The following MTURN variants were observed in gnomAD, a reference collection of about 807,000 sequenced individuals.
MTURN encodes maturin, neural progenitor differentiation regulator homolog.
MTURN carries 7 observed loss-of-function variants against 14.9 expected under a neutral mutation model. That is an observed-to-expected ratio of 0.47 (90% CI 0.27 to 0.88). The LOEUF (loss-of-function observed/expected upper bound fraction) is 0.88. MTURN is among the 40% of genes least tolerant of loss of function. The pLI, the probability that MTURN is intolerant of heterozygous loss-of-function variation, is 0.14. For missense variants in MTURN, 151 were observed against 174.1 expected (o/e 0.87, Z 0.75); for synonymous variants, 69 against 72.5 (o/e 0.95, Z 0.25).
rs1397420491 is a variant in MTURN, at chr7:30,135,380, G to T, written c.162+82G>T. 23 of 1,268,916 alleles carry T rather than the reference G, an allele frequency of 1.8e-5. No individual in the cohort carries two copies. In the East Asian group the frequency reaches 7.2e-4, roughly 40 times the overall value. The allele number at this position is 1,268,916 out of a possible 1,614,324, so 78.6% of individuals were successfully genotyped here. On this transcript the variant is annotated intron_variant, in intron 1 of 2. Transcript: ENST00000324453. ...GTCCCTGCGCCCGAGCTCCCGCGCG[G>T]TGGGCGGCGGTGGGCGCAGAGTGGG...
chr7:30,150,838 C>T (rs546794272), intron 2 of MTURN, among the ~76,000 whole-genome samples: 3 of 152,360 alleles, frequency 2.0e-5, no homozygotes, highest in Non-Finnish European at 4.4e-5. Context: ...TAGATCGGCT[C>T]TGCCCTGTTT....
Position 30,158,739 on chromosome 7 carries a change from A to T in MTURN, c.*1191A>T, listed in dbSNP as rs541829994. 1 of 152,286 alleles carries T rather than the reference A, an allele frequency of 6.6e-6. No individual in the cohort carries two copies. Among genetic ancestry groups the T allele is most frequent in the Non-Finnish European group, 1.5e-5 (1 of 68,022 alleles). The allele number at this position is 152,286 out of a possible 1,614,324, so 9.4% of individuals were successfully genotyped here. ...ATACTGCTGTTATCGTTTAGCCAAC[A>T]ATTACTTACTGGGGACATCCTTTGT... is the stretch of plus-strand genomic sequence containing the variant. On this transcript the variant is annotated 3_prime_UTR_variant, in exon 3 of 3. Coordinates refer to ENST00000324453, the MANE Select transcript of MTURN (RefSeq NM_152793.3).
At chr7:30,155,313 G>A (rs1007885872) in intron 2 of MTURN, among the ~76,000 whole-genome samples, 5 of 152,124 alleles carry the variant, frequency 3.3e-5, no homozygotes, top group Non-Finnish European at 7.4e-5. Flanking sequence ...CCTGGTGGTG[G>A]CGATAGTATT....
chr7:30,160,613 A>G lies in MTURN; in HGVS notation c.*3065A>G, dbSNP rs905951040. On this transcript the variant is annotated 3_prime_UTR_variant, in exon 3 of 3. Coordinates refer to ENST00000324453, the MANE Select transcript of MTURN (RefSeq NM_152793.3). ...ATGTGAGAGAGAGAAAGAAAGAGAA[A>G]GGAATGCTTGATTGCTTGTTGTTCA... The G allele has an allele frequency of 3.3e-5, 5 of 151,980 alleles. No homozygotes were observed. The highest frequency in any genetic ancestry group is 1.2e-4 in the African/African-American group (5 of 41,332). 9.4% of individuals were successfully genotyped at this position (151,980 alleles called of 1,614,324 possible). A position where few individuals can be genotyped will look rare whatever the true frequency, so the allele number is the denominator to read the frequency against.
intron 2 of MTURN, among the ~76,000 whole-genome samples, chr7:30,150,281 A>G (rs1043850983): frequency 1.3e-5 from 2 of 152,212 alleles, no homozygotes; most frequent in African/African-American, 4.8e-5. Flanking sequence ...TGAGCAGGTT[A>G]CCGTTGGGGG....
chr7:30,147,503 AGT>A (rs1797146445), intron 2 of MTURN, among the ~76,000 whole-genome samples: 1 of 152,076 alleles, frequency 6.6e-6, no homozygotes, highest in African/African-American at 2.4e-5. Flanking sequence ...CCCAGCTTCA[AGT>A]GGGGATGGTG....
At chr7:30,152,815 A>G (rs1797232271) in intron 2 of MTURN, among the ~76,000 whole-genome samples, 2 of 152,196 alleles carry the variant, frequency 1.3e-5, no homozygotes, top group Admixed American at 1.3e-4. Context: ...GGCCCTACAG[A>G]TAACAGATAC....
chr7:30,136,273 G>C (rs1478299425), intron 1 of MTURN, among the ~76,000 whole-genome samples: 1 of 152,106 alleles, frequency 6.6e-6, no homozygotes, highest in African/African-American at 2.4e-5. Flanking sequence ...GACTCTGGCA[G>C]TTGAGGAAGG....
At chr7:30,135,817 A>G (rs968249760) in intron 1 of MTURN, among the ~76,000 whole-genome samples, 1 of 152,162 alleles carries the variant, frequency 6.6e-6, no homozygotes, top group Non-Finnish European at 1.5e-5. Flanking sequence ...CCCTCCCGGG[A>G]GAACCCCACT....
intron 1 of MTURN, among the ~76,000 whole-genome samples, chr7:30,136,757 G>A (rs1220190091): frequency 2.0e-5 from 3 of 152,154 alleles, no homozygotes; most frequent in African/African-American, 7.2e-5. Context: ...CTGTGACTGT[G>A]CTCAAATACC....
At position 30,152,928 on chromosome 7, in the gene MTURN, G is replaced by A. The variant is rs76572038; in HGVS notation, c.286-4510G>A. 5.9e-5 allele frequency among the ~76,000 whole-genome samples: 9 copies of A among 152,262 alleles called. No individual in the cohort carries two copies. In the East Asian group the frequency reaches 1.2e-3, roughly 20 times the overall value. ...CCCCAGCAGTGCTTATGTGATCACC[G>A]ATAGCTCACAGGAAGCTTTGTGGAC... On this transcript the variant is annotated intron_variant, in intron 2 of 2. Coordinates refer to ENST00000324453, the MANE Select transcript of MTURN (RefSeq NM_152793.3).
At chr7:30,140,556 C>CT (rs1461190547) in intron 1 of MTURN, among the ~76,000 whole-genome samples, 1 of 152,010 alleles carries the variant, frequency 6.6e-6, no homozygotes, top group African/African-American at 2.4e-5. Flanking sequence ...AGAGAAAGTA[C>CT]TTTCTTGTTG....
chr7:30,146,439 C>T, intron 2 of MTURN, 140 bp downstream of exon 2: 2 of 1,237,882 alleles, frequency 1.6e-6, no homozygotes, highest in South Asian at 1.5e-5. Flanking sequence ...TTAGAGATAG[C>T]AGCCAGTATA....
chr7:30,152,522 C>T (rs926873780), intron 2 of MTURN, among the ~76,000 whole-genome samples: 3 of 152,180 alleles, frequency 2.0e-5, no homozygotes, highest in Non-Finnish European at 4.4e-5. Context: ...GATTGCTGAG[C>T]ACATTATCCA....
Position 30,143,713 on chromosome 7 carries a change from C to G in MTURN, c.163-2464C>G, listed in dbSNP as rs547948236. Among the ~76,000 whole-genome samples, 3 of 152,256 alleles carry G rather than the reference C, an allele frequency of 2.0e-5. No homozygotes were observed. The Middle Eastern group carries it at 0.01, about 518-fold the overall frequency. On this transcript the variant is annotated intron_variant, in intron 1 of 2. Transcript: ENST00000324453. ...TCGTGGGTATTAAGTCTTCCTTCAA[C>G]ATATAGTCCTAAATTGCTCTAAAAG...
chr7:30,135,086 C>T lies in MTURN; in HGVS notation c.-51C>T, dbSNP rs899576480. The T allele has an allele frequency of 1.0e-5, 14 of 1,346,346 alleles. No homozygotes were observed. Among genetic ancestry groups the T allele is most frequent in the Non-Finnish European group, 1.3e-5 (13 of 1,031,232 alleles). The allele number at this position is 1,346,346 out of a possible 1,614,324, so 83.4% of individuals were successfully genotyped here. A position where few individuals can be genotyped will look rare whatever the true frequency, so the allele number is the denominator to read the frequency against. On this transcript the variant is annotated 5_prime_UTR_variant, in exon 1 of 3. Coordinates refer to ENST00000324453, the MANE Select transcript of MTURN (RefSeq NM_152793.3). ...CCGCGCTGCCCGCCCGGGAGGAGGG[C>T]GCCTAGGAGCGGGAGGGCGGGCGGC...
chr7:30,146,659 G>A (rs1056570714), intron 2 of MTURN, among the ~76,000 whole-genome samples: 2 of 152,158 alleles, frequency 1.3e-5, no homozygotes, highest in African/African-American at 4.8e-5. Context: ...TTTTATAATA[G>A]TGGGGCGTAT....
intron 1 of MTURN, among the ~76,000 whole-genome samples, chr7:30,136,052 C>T (rs1319240838): frequency 6.6e-6 from 1 of 152,258 alleles, no homozygotes; most frequent in Non-Finnish European, 1.5e-5. Flanking sequence ...CCCCTGCCCC[C>T]GCGCTGCCCT....
At chr7:30,144,928 C>CTTTTTTTTTTTTT (rs11411711) in intron 1 of MTURN, among the ~76,000 whole-genome samples, 3 of 73,978 alleles carry the variant, frequency 4.1e-5, no homozygotes, top group African/African-American at 5.6e-5. Context: ...GACCTCAATA[C>CTTTTTTTTTTTTT]TTTTTTTTTT....
Sources: allele counts gnomAD v4.1 joint callset (sites outside exome capture counted in the v4.1 genomes callset), GRCh38; gene constraint gnomAD v4.1.1; transcripts MANE v1.5; gene names NCBI Gene and HGNC (gene_info 2026-07-23, HGNC 2026-07-21).